Variants in STON2 observed in about 807,000 individuals in gnomAD.
STON2 encodes the protein stonin-2.
In STON2, 29 loss-of-function variants were observed where a neutral mutation model predicts 65.7. The observed-to-expected ratio is 0.44, with a 90% CI of 0.33 to 0.60. STON2 has a LOEUF of 0.60. Among genes scored for constraint, STON2 ranks in the 20% least tolerant of loss-of-function variants. STON2 has a pLI of 0.03. For missense variants in STON2, 1,054 were observed against 1,118.1 expected (o/e 0.94, Z 0.82); for synonymous variants, 404 against 414.2 (o/e 0.98, Z 0.30).
chr14:81,293,717 T>C lies in STON2; in HGVS notation c.743-14978A>G, dbSNP rs560786981. ...TATACTTGGAACTCCAAGACCATAA[T>C]GTGAGTGACCCTTCCAGGGGATGAA... is the stretch of plus-strand genomic sequence containing the variant. On this transcript the variant is annotated intron_variant, in intron 5 of 7. Transcript: ENST00000614646. Among the ~76,000 whole-genome samples, 17 of 152,246 alleles carry C rather than the reference T, an allele frequency of 1.1e-4. No homozygotes were observed. The East Asian group carries it at 3.1e-3, about 28-fold the overall frequency.
chr14:81,293,999 C>A (rs539040630), intron 5 of STON2, among the ~76,000 whole-genome samples: 25 of 152,262 alleles, frequency 1.6e-4, no homozygotes, highest in Non-Finnish European at 1.9e-4. Flanking sequence ...TTCAGTTTTT[C>A]TTTTGCTTCT....
intron 4 of STON2, 64 bp downstream of exon 4, chr14:81,370,924 T>C: frequency 6.7e-7 from 1 of 1,484,970 alleles, no homozygotes; most frequent in Non-Finnish European, 9.2e-7. Context: ...AAAAGGACTT[T>C]AAAGTGGACC....
At chr14:81,325,178 C>A (rs1030435922) in intron 4 of STON2, among the ~76,000 whole-genome samples, 1 of 152,316 alleles carries the variant, frequency 6.6e-6, no homozygotes, top group Non-Finnish European at 1.5e-5. Flanking sequence ...AGGCTAGATA[C>A]CTTTCCTTAA....
At chr14:81,327,926 T>C (rs1897058588) in intron 4 of STON2, among the ~76,000 whole-genome samples, 1 of 152,190 alleles carries the variant, frequency 6.6e-6, no homozygotes, top group Non-Finnish European at 1.5e-5. Flanking sequence ...TCAAACCTAA[T>C]TTTGCCACTT....
chr14:81,391,910 T>C (rs1203070805), intron 3 of STON2, among the ~76,000 whole-genome samples: 1 of 152,236 alleles, frequency 6.6e-6, no homozygotes, highest in Non-Finnish European at 1.5e-5. Flanking sequence ...TTATTCATAC[T>C]TGAGCAGTTT....
upstream of STON2, among the ~76,000 whole-genome samples, chr14:81,400,643 G>A (rs1900563434): frequency 6.6e-6 from 1 of 152,004 alleles, no homozygotes. Context: ...GAAGGTAAGA[G>A]GAAAATATTT....
chr14:81,273,406 G>A (rs1169683981), intron 6 of STON2, among the ~76,000 whole-genome samples: 1 of 152,168 alleles, frequency 6.6e-6, no homozygotes, highest in African/African-American at 2.4e-5. Flanking sequence ...TGAACATATT[G>A]GGACTGTTTT....
At chr14:81,285,407 A>G (rs528979335) in intron 5 of STON2, among the ~76,000 whole-genome samples, 23 of 152,348 alleles carry the variant, frequency 1.5e-4, no homozygotes, top group African/African-American at 5.5e-4. Flanking sequence ...GATGTGGTAG[A>G]AACAGTGAGA....
At chr14:81,268,710 T>C (rs1357995128) in intron 7 of STON2, 1 of 893,564 alleles carries the variant, frequency 1.1e-6, no homozygotes, top group Non-Finnish European at 1.3e-6. Context: ...CTTTCCCTCA[T>C]GGTCCACCAG....
At position 81,395,941 on chromosome 14, in the gene STON2, G is replaced by A. The variant is rs765693681; in HGVS notation, c.326C>T (p.Thr109Ile). Residue 109 changes from threonine to isoleucine, a missense_variant, in exon 3 of 8, where the codon ACA (threonine) becomes ATA (isoleucine). By Grantham distance (89) the Thr-to-Ile change is moderately conservative. Transcript: ENST00000614646. The part of the protein sequence containing the change: ...ISNWVQFEDD[T>I]PWASTSPPHQ... Reference sequence around the variant, plus strand: ...AGGTGGAGATGTGCTGGCCCAGGGTGTGTCATCTTCAAACTGAACCCAGTT... The same window carrying A: ...AGGTGGAGATGTGCTGGCCCAGGGTATGTCATCTTCAAACTGAACCCAGTT... 3 of 1,614,038 alleles carry A rather than the reference G, an allele frequency of 1.9e-6. No homozygotes were observed. The highest frequency in any genetic ancestry group is 3.3e-5 in the Admixed American group (2 of 60,000).
At chr14:81,382,588 T>C (rs775755223) in intron 3 of STON2, among the ~76,000 whole-genome samples, 23 of 152,040 alleles carry the variant, frequency 1.5e-4, no homozygotes, top group Non-Finnish European at 2.2e-4. Flanking sequence ...GTGTGATCAG[T>C]AGGGAAACAC....
intron 3 of STON2, among the ~76,000 whole-genome samples, chr14:81,379,184 T>TA (rs1899395810): frequency 1.3e-5 from 2 of 152,262 alleles, no homozygotes; most frequent in South Asian, 2.1e-4. Context: ...GCTTGTTAAT[T>TA]AAAAAATCAA....
In STON2 at chr14:81,263,743, G is replaced by T; in HGVS notation, c.*4671C>A. 2.0e-6 allele frequency: 2 copies of T among 985,314 alleles called. No homozygotes were observed. Among genetic ancestry groups the T allele is most frequent in the Non-Finnish European group, 2.4e-6 (2 of 829,904 alleles). The allele number at this position is 985,314 out of a possible 1,614,324, so 61.0% of individuals were successfully genotyped here. The stretch of plus-strand genomic sequence containing the variant: ...ACATATAATCCTCATTTTTAGAAGA[G>T]TTAAAGTTACCACTCGAACTGGGAG... On this transcript the variant is annotated 3_prime_UTR_variant, in exon 8 of 8. Transcript: ENST00000614646.
At chr14:81,271,019 GCCC>G (rs1305225271) in intron 6 of STON2, 147 bp from the exon 7 acceptor site, 32 of 1,049,064 alleles carry the variant, frequency 3.1e-5, no homozygotes, top group Non-Finnish European at 3.9e-5. Flanking sequence ...ACGAGGATCC[GCCC>G]GGCTCAGCAG....
At chr14:81,421,036 T>A (rs1901679944) in intron 2 of STON2, among the ~76,000 whole-genome samples, 1 of 151,986 alleles carries the variant, frequency 6.6e-6, no homozygotes, top group Non-Finnish European at 1.5e-5. Flanking sequence ...AGAAATGAGG[T>A]TCATGTTCAA....
In STON2 at chr14:81,263,537, CAAAA is replaced by C. The variant is rs59359589; in HGVS notation, c.*4873_*4876del. ...TGGGTGACAGACTGAGACTCCGTCT[CAAAA>C]AAAAAAAAAAAAAAAAAAACAAAAA... On this transcript the variant is annotated 3_prime_UTR_variant, in exon 8 of 8. Coordinates refer to ENST00000614646, the MANE Select transcript of STON2 (RefSeq NM_001394390.1). 2.6e-4 allele frequency: 21 copies of C among 81,034 alleles called. No individual in the cohort carries two copies. Among genetic ancestry groups the C allele is most frequent in the African/African-American group, 5.2e-4 (11 of 21,130 alleles). The allele number at this position is 81,034 out of a possible 1,614,324, so 5.0% of individuals were successfully genotyped here.
upstream of STON2, among the ~76,000 whole-genome samples, chr14:81,400,867 G>T (rs183386097): frequency 1.3e-5 from 2 of 152,124 alleles, no homozygotes; most frequent in East Asian, 1.9e-4. Flanking sequence ...TGTACAGAAA[G>T]AATAATAAAA....
At chr14:81,435,598 G>A (rs1193429017) in intron 1 of STON2, among the ~76,000 whole-genome samples, 3 of 152,090 alleles carry the variant, frequency 2.0e-5, no homozygotes, top group African/African-American at 7.2e-5. Flanking sequence ...CTGCACAAAA[G>A]CACAGTTAAT....
chr14:81,305,827 G>A (rs1896151056), intron 5 of STON2, among the ~76,000 whole-genome samples: 1 of 151,610 alleles, frequency 6.6e-6, no homozygotes, highest in South Asian at 2.1e-4. Context: ...GTCAGTTAAG[G>A]TTCCTCACCC....
Sources: gnomAD v4.1 joint callset for allele counts (sites outside exome capture counted in the v4.1 genomes callset) on GRCh38, gnomAD v4.1.1 for gene constraint, MANE v1.5 for transcripts, NCBI Gene and HGNC (gene_info 2026-07-23, HGNC 2026-07-21) for gene names.